Variants in WNK2 observed in about 807,000 individuals in gnomAD.
WNK2 encodes the protein serine/threonine-protein kinase WNK2.
WNK2 carries 67 observed loss-of-function variants against 192.1 expected under a neutral mutation model. That is an observed-to-expected ratio of 0.35 (90% CI 0.29 to 0.43). The LOEUF is 0.43. Ranked by LOEUF, WNK2 falls within the 20% of genes least tolerant of loss-of-function variation. The probability of loss-of-function intolerance (pLI) is 1.00; values close to 1 mark genes in which losing one functional copy is unlikely to be tolerated. For synonymous variants in WNK2, 1,439 were observed against 1,393.9 expected, an observed-to-expected ratio of 1.03 and a Z score of -0.72; for missense variants, 2,698 against 3,089.7, an observed-to-expected ratio of 0.87 and a Z score of 3.01.
chr9:93,264,958 C>T (rs1168760436), intron 16 of WNK2, among the ~76,000 whole-genome samples: 3 of 152,252 alleles, frequency 2.0e-5, no homozygotes, highest in Non-Finnish European at 4.4e-5. Flanking sequence ...ATCCCCCTGG[C>T]CACCCCTGCC....
At chr9:93,231,667 G>A (rs867647132) in intron 4 of WNK2, among the ~76,000 whole-genome samples, 5 of 152,234 alleles carry the variant, frequency 3.3e-5, no homozygotes, top group Admixed American at 6.5e-5. Context: ...CAGAGCAGGC[G>A]TTGTGCACAG....
rs188549302 is a variant in WNK2, at chr9:93,306,053, C to T, written c.6215-724C>T. Among the ~76,000 whole-genome samples the T allele has an allele frequency of 5.3e-5, 8 of 152,308 alleles. No homozygotes were observed. In the East Asian group the frequency reaches 1.5e-3, roughly 29 times the overall value. On this transcript the variant is annotated intron_variant, in intron 26 of 29. Transcript: ENST00000427277. ...ATTGCATTCAGTGTATACCAGGTGC[C>T]CTCTGGGTAGTTGGGACCAGTCGGT...
intron 27 of WNK2, 99 bp downstream of exon 27, chr9:93,306,920 C>A: frequency 1.3e-6 from 2 of 1,483,188 alleles, no homozygotes; most frequent in Non-Finnish European, 1.9e-6. Flanking sequence ...GGGCGTGGGC[C>A]TGCCCTGTGC....
rs769759509 is a variant in WNK2, at chr9:93,300,073, G to A, written c.6138G>A (p.Thr2046=). The A allele has an allele frequency of 4.3e-6, 7 of 1,613,342 alleles. No individual in the cohort carries two copies. The highest frequency in any genetic ancestry group is 4.0e-5 in the African/African-American group (3 of 74,872). The change falls in exon 26 of 30, where the codon ACG becomes ACA. Residue 2046 remains threonine (T), a synonymous_variant. Transcript: ENST00000427277. The part of the protein sequence containing the change: ...RGQGWTVYHP[T]SERVTYKSSS... ...CAGGCTGGACGGTTTACCACCCAACGTCTGAGAGAGTGACCTATAAGTCTA... is the reference window on the plus strand; with the variant it reads ...CAGGCTGGACGGTTTACCACCCAACATCTGAGAGAGTGACCTATAAGTCTA...
chr9:93,237,810 G>A (rs1840077526), intron 5 of WNK2, among the ~76,000 whole-genome samples: 1 of 152,022 alleles, frequency 6.6e-6, no homozygotes, highest in Admixed American at 6.6e-5. Context: ...TTGTGGTCTG[G>A]TCCTCAGCAA....
chr9:93,257,115 G>A lies in WNK2; in HGVS notation c.2358G>A (p.Gln786=). ...TCCAGATGCCACAGGCGCCCCTGCA[G>A]CCGCTTGCTCAAGTCCCTCCGCAGG... The part of the protein sequence containing the change: ...KPLQMPQAPL[Q]PLAQVPPQMP... Residue 786 remains glutamine (Q), a synonymous_variant, in exon 11 of 30, where the codon CAG becomes CAA. Transcript: ENST00000427277. This position sits in a 1 kb window ranked among gnomAD's most constrained non-coding sequence, Gnocchi z 4.7. The A allele has an allele frequency of 6.2e-7, 1 of 1,609,010 alleles. No homozygotes were observed. Among genetic ancestry groups the A allele is most frequent in the Non-Finnish European group, 8.5e-7 (1 of 1,179,050 alleles).
intron 29 of WNK2, chr9:93,319,407 G>A (rs1051736530): frequency 9.1e-6 from 9 of 985,296 alleles, no homozygotes; most frequent in African/African-American, 3.5e-5. Context: ...TGGCAGGGCT[G>A]CCTGGCCCCC....
intron 2 of WNK2, among the ~76,000 whole-genome samples, chr9:93,208,753 GCGCA>G (rs1270697830): frequency 0.06 from 6 of 100 alleles, no homozygotes; most frequent in Non-Finnish European, 0.04. Flanking sequence ...TCATGTGTGT[GCGCA>G]TGTCCTCCGT....
intron 2 of WNK2, among the ~76,000 whole-genome samples, chr9:93,214,265 T>C (rs539983170): frequency 5.3e-4 from 80 of 152,022 alleles, no homozygotes; most frequent in African/African-American, 1.8e-3. Context: ...ATAGTTTTTT[T>C]CTTCATCATC....
chr9:93,317,496 T>C (rs774669109), intron 28 of WNK2, 24 bp from the exon 29 acceptor site: 7 of 1,612,150 alleles, frequency 4.3e-6, no homozygotes, highest in South Asian at 2.2e-5. Flanking sequence ...TGTACCTTCC[T>C]CTTCTCGTCT....
At chr9:93,252,698 G>A (rs1422556196) in intron 8 of WNK2, among the ~76,000 whole-genome samples, 185 bp from the exon 9 acceptor site, 2 of 152,212 alleles carry the variant, frequency 1.3e-5, no homozygotes, top group African/African-American at 2.4e-5. Flanking sequence ...TTGGAGTGGG[G>A]CACCGTGACA....
intron 7 of WNK2, among the ~76,000 whole-genome samples, chr9:93,241,409 C>G (rs368932996): frequency 6.6e-6 from 1 of 152,172 alleles, no homozygotes; most frequent in Non-Finnish European, 1.5e-5. Context: ...GCTCATGTGT[C>G]CTGACCACAG....
intron 19 of WNK2, 77 bp from the exon 20 acceptor site, chr9:93,288,711 T>C (rs1430584705): frequency 7.1e-7 from 1 of 1,414,828 alleles, no homozygotes; most frequent in African/African-American, 1.4e-5. Context: ...GTGTAAGGCA[T>C]CTTTTTAGCC....
intron 2 of WNK2, among the ~76,000 whole-genome samples, chr9:93,207,929 G>A (rs546790217): frequency 6.6e-6 from 1 of 152,344 alleles, no homozygotes; most frequent in African/African-American, 2.4e-5. Context: ...ACTTTAGGGG[G>A]ACAGCTTCGT....
chr9:93,275,198 TACA>T (rs1285600653), intron 19 of WNK2, among the ~76,000 whole-genome samples: 1 of 152,168 alleles, frequency 6.6e-6, no homozygotes, highest in Non-Finnish European at 1.5e-5. Flanking sequence ...GTTGACTAAA[TACA>T]ACATCCATTC....
intron 26 of WNK2, among the ~76,000 whole-genome samples, chr9:93,304,777 G>GT (rs1395604566): frequency 1.3e-5 from 2 of 152,228 alleles, no homozygotes; most frequent in Non-Finnish European, 2.9e-5. Flanking sequence ...GTGTGGGGAG[G>GT]TCTCTGCCCC....
chr9:93,197,889 A>G (rs1831567705), intron 2 of WNK2, among the ~76,000 whole-genome samples: 1 of 152,064 alleles, frequency 6.6e-6, no homozygotes, highest in South Asian at 2.1e-4. Flanking sequence ...TGTGTAGGTC[A>G]GATCCGGCTA....
chr9:93,236,254 G>C (rs1267594963), intron 5 of WNK2, among the ~76,000 whole-genome samples: 3 of 152,084 alleles, frequency 2.0e-5, no homozygotes, highest in African/African-American at 4.8e-5. Context: ...ATGGTGGTCT[G>C]TCCTGAAGCT....
chr9:93,228,182 G>C (rs1173056376), intron 2 of WNK2, among the ~76,000 whole-genome samples: 2 of 152,192 alleles, frequency 1.3e-5, no homozygotes, highest in Non-Finnish European at 2.9e-5. Flanking sequence ...TGCAATGAAG[G>C]GGCCCATGAG....
Sources: allele counts gnomAD v4.1 joint callset (sites outside exome capture counted in the v4.1 genomes callset), GRCh38; gene constraint gnomAD v4.1.1; non-coding constraint Gnocchi (gnomAD v3.1); transcripts MANE v1.5; gene names NCBI Gene and HGNC (gene_info 2026-07-23, HGNC 2026-07-21).